COL22A1: variants seen among roughly 807,000 people sequenced by gnomAD.
The protein encoded by COL22A1 is collagen type XXII alpha 1 chain.
Under a neutral mutation model 248.9 loss-of-function variants are expected in COL22A1, and 221 were observed. That is an observed-to-expected ratio of 0.89 (90% confidence interval 0.80 to 0.99). The LOEUF is 0.99. Among genes scored for constraint, COL22A1 ranks in the 50% least tolerant of loss-of-function variants. COL22A1 has a pLI of 0.00. For missense variants in COL22A1, 2,240 were observed against 2,179.0 expected (o/e 1.03, Z -0.56); for synonymous variants, 891 against 793.4 (o/e 1.12, Z -2.07).
intron 37 of COL22A1, among the ~76,000 whole-genome samples, chr8:138,686,742 T>C (rs760527796): frequency 6.6e-6 from 1 of 152,288 alleles, no homozygotes; most frequent in Middle Eastern, 3.4e-3. Context: ...TTTCTGAACA[T>C]GCACCTGTTA....
intron 22 of COL22A1, among the ~76,000 whole-genome samples, chr8:138,749,666 G>A (rs947703868): frequency 2.6e-5 from 4 of 152,204 alleles, no homozygotes; most frequent in African/African-American, 9.7e-5. Flanking sequence ...GTAGCAAGAA[G>A]TAAACCGGCC....
chr8:138,689,570 C>G (rs936897505), intron 36 of COL22A1, among the ~76,000 whole-genome samples: 6 of 152,100 alleles, frequency 3.9e-5, no homozygotes, highest in African/African-American at 1.4e-4. Flanking sequence ...CAAAAATTAG[C>G]TGGGCATGGA....
intron 45 of COL22A1, among the ~76,000 whole-genome samples, chr8:138,651,284 T>C (rs975942220): frequency 3.9e-5 from 6 of 152,160 alleles, no homozygotes; most frequent in Non-Finnish European, 7.3e-5. Flanking sequence ...CCATCCTCTC[T>C]CCACCAGGCA....
intron 10 of COL22A1, among the ~76,000 whole-genome samples, chr8:138,804,658 G>A (rs1309623527): frequency 6.6e-6 from 1 of 152,182 alleles, no homozygotes; most frequent in Non-Finnish European, 1.5e-5. Flanking sequence ...TCAGCACAAA[G>A]AGAAGACTCA....
intron 16 of COL22A1, among the ~76,000 whole-genome samples, chr8:138,768,804 G>C (rs1253306098): frequency 2.0e-5 from 3 of 152,098 alleles, no homozygotes; most frequent in Non-Finnish European, 4.4e-5. Context: ...GGGCGTGCTG[G>C]TGGGTGCCTA....
chr8:138,690,372 G>A (rs543481141), intron 36 of COL22A1, among the ~76,000 whole-genome samples: 1 of 152,148 alleles, frequency 6.6e-6, no homozygotes. Context: ...AACCCTAAAG[G>A]TGAAGCAGCC....
In COL22A1 at chr8:138,679,666, C is replaced by T. The variant is rs1170339480; in HGVS notation, c.3023G>A (p.Gly1008Glu). The change falls in exon 40 of 65, where the codon GGA (glycine) becomes GAA (glutamate). Residue 1008 changes from glycine to glutamate, a missense_variant. Coordinates refer to ENST00000303045, the MANE Select transcript of COL22A1 (RefSeq NM_152888.3). ...ACAGTTTTCTGACCCTCTGACTTTT[C>T]CGCAAGCAGCCTGAAAGTAGAAAAT... ...PGPLGTKAAC[G>E]KVRGSENCAL... 1 of 1,613,892 alleles carries T rather than the reference C, an allele frequency of 6.2e-7. No individual in the cohort carries two copies. The highest frequency in any genetic ancestry group is 1.3e-5 in the African/African-American group (1 of 74,922).
intron 1 of COL22A1, among the ~76,000 whole-genome samples, chr8:138,889,857 C>T (rs925963536): frequency 1.3e-5 from 2 of 152,116 alleles, no homozygotes; most frequent in Non-Finnish European, 1.5e-5. Flanking sequence ...TGCAGAAACC[C>T]GGCTTTATCA....
chr8:138,612,342 G>A (rs1818930800), intron 56 of COL22A1, among the ~76,000 whole-genome samples: 1 of 152,070 alleles, frequency 6.6e-6, no homozygotes, highest in African/African-American at 2.4e-5. Flanking sequence ...ACAGCACTAG[G>A]CACCTAAATA....
intron 27 of COL22A1, among the ~76,000 whole-genome samples, chr8:138,719,669 G>C (rs952434884): frequency 5.9e-5 from 9 of 152,202 alleles, no homozygotes; most frequent in African/African-American, 2.2e-4. Context: ...CCAGCAAACG[G>C]ATGCCCTGAG....
chr8:138,861,405 G>A (rs1199236471), intron 3 of COL22A1, among the ~76,000 whole-genome samples: 1 of 152,216 alleles, frequency 6.6e-6, no homozygotes, highest in Non-Finnish European at 1.5e-5. Flanking sequence ...GAGCTGGCAA[G>A]TCAGTTATCC....
At chr8:138,683,619 CCTTTA>C (rs1826120476) in intron 39 of COL22A1, among the ~76,000 whole-genome samples, 1 of 152,130 alleles carries the variant, frequency 6.6e-6, no homozygotes, top group African/African-American at 2.4e-5. Context: ...ACTCTCTTTT[CCTTTA>C]CTTATTATTG....
chr8:138,620,976 T>C (rs1050326684), intron 52 of COL22A1, among the ~76,000 whole-genome samples: 4 of 119,406 alleles, frequency 3.3e-5, no homozygotes, highest in Non-Finnish European at 7.7e-5. Context: ...CATCCATCCA[T>C]CCATCCATCC....
At chr8:138,643,643 T>TAGACAGACAGACAGACAGAC (rs1554728501) in intron 47 of COL22A1, among the ~76,000 whole-genome samples, 1 of 91,934 alleles carries the variant, frequency 1.1e-5, no homozygotes, top group African/African-American at 4.8e-5. Flanking sequence ...GATAGATAGA[T>TAGACAGACAGACAGACAGAC]AGATAGACAG....
At chr8:138,755,594 C>A in intron 19 of COL22A1, 83 bp from the exon 20 acceptor site, 3 of 1,468,324 alleles carry the variant, frequency 2.0e-6, no homozygotes, top group Non-Finnish European at 2.9e-6. Flanking sequence ...TAAGGCCATT[C>A]ATTCACAGGC....
intron 12 of COL22A1, among the ~76,000 whole-genome samples, chr8:138,794,556 C>T (rs1816336003): frequency 6.6e-6 from 1 of 152,150 alleles, no homozygotes; most frequent in Non-Finnish European, 1.5e-5. Flanking sequence ...ATCAGGATCT[C>T]ACAGAGATGC....
chr8:138,893,462 A>C (rs1825201822), intron 1 of COL22A1, among the ~76,000 whole-genome samples: 1 of 152,246 alleles, frequency 6.6e-6, no homozygotes, highest in Non-Finnish European at 1.5e-5. Context: ...TAAAAAGCCT[A>C]AAATGTACCT....
chr8:138,811,225 C>T (rs1311851944), intron 9 of COL22A1, among the ~76,000 whole-genome samples: 1 of 151,452 alleles, frequency 6.6e-6, no homozygotes, highest in Admixed American at 6.6e-5. Flanking sequence ...AAATGCACCA[C>T]TTTTTAAAAA....
At chr8:138,705,615 A>G (rs1274154169) in intron 30 of COL22A1, among the ~76,000 whole-genome samples, 1 of 152,202 alleles carries the variant, frequency 6.6e-6, no homozygotes, top group Admixed American at 6.6e-5. Flanking sequence ...CTGCCTTATG[A>G]GAGCTCTTGA....
Sources: allele counts gnomAD v4.1 joint callset (sites outside exome capture counted in the v4.1 genomes callset), GRCh38; gene constraint gnomAD v4.1.1; transcripts MANE v1.5; gene names NCBI Gene and HGNC (gene_info 2026-07-23, HGNC 2026-07-21).